The following EPHA2 variants were observed in gnomAD, a reference collection of about 807,000 sequenced individuals.
EPHA2 encodes EPH receptor A2.
A neutral mutation model predicts 104.9 loss-of-function variants in EPHA2; 54 were observed. That is an observed-to-expected ratio of 0.51 (90% confidence interval 0.41 to 0.65). The LOEUF (loss-of-function observed/expected upper bound fraction) is 0.65, where lower values mean the gene tolerates loss of function less well. Ranked by LOEUF, EPHA2 falls within the 30% of genes least tolerant of loss-of-function variation. The pLI, the probability that EPHA2 is intolerant of heterozygous loss-of-function variation, is 0.00. For missense variants in EPHA2, 1,117 were observed against 1,369.5 expected, an observed-to-expected ratio of 0.82 and a Z score of 2.91; for synonymous variants, 560 against 559.1, an observed-to-expected ratio of 1.00 and a Z score of -0.02.
At chr1:16,141,280 G>T (rs2024819843) in intron 3 of EPHA2, among the ~76,000 whole-genome samples, 1 of 152,054 alleles carries the variant, frequency 6.6e-6, no homozygotes. Flanking sequence ...CAGCCCAGGG[G>T]GGTTGGTTGG....
At position 16,148,081 on chromosome 1, in the gene EPHA2, G is replaced by A. The variant is rs2024965626; in HGVS notation, c.823+297C>T. Among the ~76,000 whole-genome samples the A allele has an allele frequency of 6.6e-6, 1 of 151,946 alleles. No individual in the cohort carries two copies. Among genetic ancestry groups the A allele is most frequent in the South Asian group, 2.1e-4 (1 of 4,812 alleles). Reference sequence around the variant, plus strand: ...GGTAGAGACGGCGTTTCATTATGTTGCCCAGGCTGGTCTCAAACTCCTGGG... The same window carrying A: ...GGTAGAGACGGCGTTTCATTATGTTACCCAGGCTGGTCTCAAACTCCTGGG... On this transcript the variant is annotated intron_variant, in intron 3 of 16. Transcript: ENST00000358432. This position sits in a 1 kb window ranked among gnomAD's most constrained non-coding sequence, Gnocchi z 4.9.
Position 16,129,480 on chromosome 1 carries a change from C to T in EPHA2, c.2779G>A (p.Ala927Thr), listed in dbSNP as rs1221125842. The T allele has an allele frequency of 6.2e-7, 1 of 1,613,886 alleles. No individual in the cohort carries two copies. Among genetic ancestry groups the T allele is most frequent in the Admixed American group, 1.7e-5 (1 of 60,018 alleles). Reference protein sequence around the residue: ...KMQQYTEHFMAAGYTAIEKVV... With the variant: ...KMQQYTEHFMTAGYTAIEKVV... ...TTCTCGATGGCAGTGTAGCCGGCCGCCATGAAGTGCTCCGTATACTGCTGC... is the reference window on the plus strand; with the variant it reads ...TTCTCGATGGCAGTGTAGCCGGCCGTCATGAAGTGCTCCGTATACTGCTGC... The change falls in exon 16 of 17, where the codon GCG (alanine) becomes ACG (threonine). Residue 927 changes from alanine to threonine, a missense_variant. This residue lies in a region of EPHA2 where 340 missense variants were observed against 480.5 expected (regional missense o/e 0.71). Transcript: ENST00000358432.
intron 11 of EPHA2, 150 bp downstream of exon 11, chr1:16,133,030 A>C: frequency 1.9e-6 from 2 of 1,031,154 alleles, no homozygotes; most frequent in Non-Finnish European, 2.8e-6. Context: ...GGGTACAGGT[A>C]TTGGGGAGAA....
chr1:16,138,381 C>T lies in EPHA2; in HGVS notation c.873G>A (p.Leu291=), dbSNP rs1200751595. 11 of 1,613,756 alleles carry T rather than the reference C, an allele frequency of 6.8e-6. No homozygotes were observed. The highest frequency in any genetic ancestry group is 3.3e-5 in the Admixed American group (2 of 60,006). ...FKFEASESPC[L]ECPEHTLPSP... ...ATGGCAGCGTGTGCTCAGGGCACTCCAAGCAGGGGCTCTCAGATGCCTCAA... is the reference window on the plus strand; with the variant it reads ...ATGGCAGCGTGTGCTCAGGGCACTCTAAGCAGGGGCTCTCAGATGCCTCAA... The change falls in exon 4 of 17, where the codon TTG becomes TTA. Residue 291 remains leucine (L), a synonymous_variant. Transcript: ENST00000358432.
intron 3 of EPHA2, among the ~76,000 whole-genome samples, chr1:16,142,984 AATGGATGG>A (rs549081543): frequency 7.0e-4 from 52 of 74,016 alleles, no homozygotes; most frequent in Non-Finnish European, 1.1e-3. Context: ...TGGAGGGATG[AATGGATGG>A]ATGGATGGAT....
rs566419107 is a variant in EPHA2, at chr1:16,126,057, G to T, written c.2826-737C>A. On this transcript the variant is annotated intron_variant, in intron 16 of 16. Coordinates refer to ENST00000358432, the MANE Select transcript of EPHA2 (RefSeq NM_004431.5). ...ACCTCAGTTTCCTCCCGTGTAAAATGGGAGCTACTGTCCATCTGGAGGGCG... is the reference window on the plus strand; with the variant it reads ...ACCTCAGTTTCCTCCCGTGTAAAATTGGAGCTACTGTCCATCTGGAGGGCG... 1.8e-3 allele frequency among the ~76,000 whole-genome samples: 269 copies of T among 152,264 alleles called. 1 individual carries two copies. Among genetic ancestry groups the T allele is most frequent in the Non-Finnish European group, 1.0e-3 (70 of 68,034 alleles).
intron 3 of EPHA2, among the ~76,000 whole-genome samples, chr1:16,145,349 G>GTGCCCACCTGCCCGC (rs1422309986): frequency 1.3e-5 from 2 of 152,246 alleles, no homozygotes; most frequent in Non-Finnish European, 2.9e-5. Flanking sequence ...TCCGGGCAGC[G>GTGCCCACCTGCCCGC]TGCCCACCTG....
chr1:16,129,304 C>A (rs1349513562), intron 16 of EPHA2, 130 bp downstream of exon 16: 20 of 1,156,136 alleles, frequency 1.7e-5, no homozygotes, highest in Non-Finnish European at 2.1e-5. Flanking sequence ...TTCCAAGGAG[C>A]CTCTTCCCAG....
chr1:16,154,305 T>C (rs1242156894), intron 1 of EPHA2, among the ~76,000 whole-genome samples: 3 of 151,960 alleles, frequency 2.0e-5, no homozygotes, highest in Non-Finnish European at 4.4e-5. Context: ...CAACCAGAAG[T>C]CCCGGTTGAG....
chr1:16,152,254 G>A (rs916816799), intron 1 of EPHA2, among the ~76,000 whole-genome samples: 1 of 152,228 alleles, frequency 6.6e-6, no homozygotes, highest in African/African-American at 2.4e-5. Flanking sequence ...CAGGCTGGGA[G>A]CAGGGATGGC....
chr1:16,126,511 G>T (rs1366343248), intron 16 of EPHA2, among the ~76,000 whole-genome samples: 6 of 152,320 alleles, frequency 3.9e-5, no homozygotes, highest in South Asian at 4.1e-4. Context: ...TCCCGCAGAG[G>T]CTGGTGCTCC....
chr1:16,147,351 T>C (rs923165654), intron 3 of EPHA2, among the ~76,000 whole-genome samples: 5 of 151,834 alleles, frequency 3.3e-5, no homozygotes, highest in African/African-American at 1.2e-4. Flanking sequence ...CCCTCCAACC[T>C]CTCCCTCAAC....
At chr1:16,154,146 C>A (rs898974362) in intron 1 of EPHA2, among the ~76,000 whole-genome samples, 14 of 152,056 alleles carry the variant, frequency 9.2e-5, no homozygotes, top group Non-Finnish European at 1.6e-4. Context: ...TAATCCCCCA[C>A]CCCCCCATGG....
chr1:16,127,270 C>T (rs1245131263), intron 16 of EPHA2, among the ~76,000 whole-genome samples: 4 of 152,252 alleles, frequency 2.6e-5, no homozygotes, highest in South Asian at 4.2e-4. Flanking sequence ...CCTGTGCCCT[C>T]GACCCCCACA....
intron 15 of EPHA2, 66 bp from the exon 16 acceptor site, chr1:16,129,655 T>C (rs2024538137): frequency 6.5e-7 from 1 of 1,540,314 alleles, no homozygotes; most frequent in African/African-American, 1.4e-5. Context: ...CTGCACCTGC[T>C]GCTCCCTAAC....
chr1:16,127,571 C>A (rs548143940), intron 16 of EPHA2, among the ~76,000 whole-genome samples: 1 of 152,170 alleles, frequency 6.6e-6, no homozygotes, highest in African/African-American at 2.4e-5. Flanking sequence ...GGGAAAGGCA[C>A]GCATTCCCCT....
chr1:16,138,106 G>A lies in EPHA2; in HGVS notation c.1059C>T (p.Asp353=), dbSNP rs1184913719. Residue 353 remains aspartate, a synonymous_variant, in exon 5 of 17, where the codon GAC becomes GAT. Transcript: ENST00000358432. ...KVELRWTPPQ[D]SGGREDIVYS... ...AGACAATGTCCTCGCGGCCCCCGCT[G>A]TCCTGAGGGGGCGTCCAGCGCAGCT... 9.9e-6 allele frequency: 16 copies of A among 1,609,840 alleles called. No individual in the cohort carries two copies. The highest frequency in any genetic ancestry group is 1.4e-5 in the Non-Finnish European group (16 of 1,179,704).
Position 16,135,265 on chromosome 1 carries a change from C to T in EPHA2, c.1429-76G>A. 6.3e-7 allele frequency: 1 copy of T among 1,591,640 alleles called. No individual in the cohort carries two copies. Among genetic ancestry groups the T allele is most frequent in the East Asian group, 2.2e-5 (1 of 44,624 alleles). ...CCTCGGCTCAGCCCGCTGGAGACCA[C>T]CCCAAGCTAGCAAGGTGGCTTGCCT... On this transcript the variant is annotated intron_variant, in intron 6 of 16. Coordinates refer to ENST00000358432, the MANE Select transcript of EPHA2 (RefSeq NM_004431.5). This position sits in a 1 kb window ranked among gnomAD's most constrained non-coding sequence, Gnocchi z 4.3.
At position 16,135,024 on chromosome 1, in the gene EPHA2, C is replaced by A. The variant is rs370265725; in HGVS notation, c.1582+12G>T. ...CCCTGGCCTGGTCCATGCCCAGGGT[C>A]CCCCAACTCACACAGCGTCTGGAAT... On this transcript the variant is annotated intron_variant, in intron 7 of 16. Transcript: ENST00000358432. The surrounding 1 kb of genome is among the most constrained non-coding windows in gnomAD (Gnocchi z 4.3). 1.9e-6 allele frequency: 3 copies of A among 1,611,140 alleles called. No homozygotes were observed. The South Asian group carries it at 3.3e-5, about 18-fold the overall frequency.
Sources: gnomAD v4.1 joint callset for allele counts (sites outside exome capture counted in the v4.1 genomes callset) on GRCh38, gnomAD v4.1.1 for gene constraint, gnomAD v4.1.1 regional missense constraint, Gnocchi (gnomAD v3.1) non-coding constraint, MANE v1.5 for transcripts, NCBI Gene and HGNC (gene_info 2026-07-23, HGNC 2026-07-21) for gene names.